LRRC4C: variants seen among roughly 807,000 people sequenced by gnomAD.
The protein encoded by LRRC4C is leucine rich repeat containing 4C, also known as leucine-rich repeat-containing protein 4C.
In LRRC4C, 5 loss-of-function variants were observed where a neutral mutation model predicts 33.6. That is an observed-to-expected ratio of 0.15 (90% CI 0.08 to 0.31). The LOEUF (loss-of-function observed/expected upper bound fraction) is 0.31. Among genes scored for constraint, LRRC4C ranks in the 10% least tolerant of loss-of-function variants. LRRC4C has a pLI of 1.00. For synonymous variants in LRRC4C, 329 were observed against 302.0 expected (o/e 1.09, Z -0.93); for missense variants, 560 against 796.7 (o/e 0.70, Z 3.58).
At chr11:40,997,916 T>C (rs1403865230) in intron 1 of LRRC4C, among the ~76,000 whole-genome samples, 1 of 152,174 alleles carries the variant, frequency 6.6e-6, no homozygotes, top group Admixed American at 6.6e-5. Context: ...TTGGAGTAGG[T>C]GTTTCTTTGA....
intron 3 of LRRC4C, among the ~76,000 whole-genome samples, chr11:40,500,293 T>TATAC (rs1394949843): frequency 0.076 from 7,374 of 96,516 alleles, 317 homozygotes; most frequent in Non-Finnish European, 0.1. Context: ...TATATATATA[T>TATAC]ACACACACAC....
chr11:41,205,691 C>T (rs936325256), intron 1 of LRRC4C, among the ~76,000 whole-genome samples: 1 of 152,122 alleles, frequency 6.6e-6, no homozygotes, highest in Non-Finnish European at 1.5e-5. Context: ...TTATAATAAC[C>T]TTCAGGAATT....
intron 2 of LRRC4C, among the ~76,000 whole-genome samples, chr11:40,800,529 A>T (rs1950998628): frequency 6.6e-6 from 1 of 152,214 alleles, no homozygotes; most frequent in African/African-American, 2.4e-5. Context: ...GCATTTTTCT[A>T]ACAGATGTTA....
Position 40,179,375 on chromosome 11 carries a change from G to A in LRRC4C, c.-95-38522C>T, listed in dbSNP as rs573408676. The stretch of plus-strand genomic sequence containing the variant: ...TGCTAGATGTTAAGTTTCTTGTTGA[G>A]TCCTCACTGAAACACAGAAATTCTT... On this transcript the variant is annotated intron_variant, in intron 5 of 6. Transcript: ENST00000528697. Among the ~76,000 whole-genome samples the A allele has an allele frequency of 2.6e-5, 4 of 152,162 alleles. No individual in the cohort carries two copies. The South Asian group carries it at 8.3e-4, about 32-fold the overall frequency.
intron 2 of LRRC4C, among the ~76,000 whole-genome samples, chr11:40,848,667 G>A (rs921769475): frequency 6.6e-6 from 1 of 152,134 alleles, no homozygotes. Flanking sequence ...GGTCTGGTTG[G>A]TGCAGAGCTG....
intron 2 of LRRC4C, 104 bp from the exon 3 acceptor site, chr11:40,648,382 C>G (rs1036190340): frequency 9.2e-5 from 14 of 151,950 alleles, no homozygotes; most frequent in Admixed American, 8.5e-4. Context: ...AATTAAAAAA[C>G]ACACACACAC....
chr11:40,828,143 A>G (rs1952245504), intron 2 of LRRC4C, among the ~76,000 whole-genome samples: 2 of 76,000 alleles, frequency 2.6e-5, no homozygotes, highest in African/African-American at 8.7e-5. Flanking sequence ...TTTTGTATGT[A>G]TACAAACATA....
chr11:41,248,630 TTC>T (rs1287416174), intron 1 of LRRC4C, among the ~76,000 whole-genome samples: 11 of 152,178 alleles, frequency 7.2e-5, no homozygotes. Flanking sequence ...ATCTATAATC[TTC>T]TTTTATTATA....
chr11:40,277,705 G>A (rs1943212333), intron 4 of LRRC4C, among the ~76,000 whole-genome samples: 1 of 152,032 alleles, frequency 6.6e-6, no homozygotes, highest in Admixed American at 6.6e-5. Flanking sequence ...AAGTCATTGA[G>A]CTTATTTGAG....
intron 1 of LRRC4C, among the ~76,000 whole-genome samples, chr11:41,415,966 C>T (rs187581155): frequency 4.7e-3 from 722 of 152,030 alleles, no homozygotes; most frequent in Non-Finnish European, 7.9e-3. Context: ...GAGAACTCTG[C>T]CAGGTTTCTC....
intron 3 of LRRC4C, among the ~76,000 whole-genome samples, chr11:40,431,073 T>C (rs962567693): frequency 7.4e-6 from 1 of 135,658 alleles, no homozygotes; most frequent in African/African-American, 2.8e-5. Flanking sequence ...AATGTGCACA[T>C]GTACCCTAAA....
At chr11:41,037,151 T>G (rs1173812757) in intron 1 of LRRC4C, among the ~76,000 whole-genome samples, 1 of 128,010 alleles carries the variant, frequency 7.8e-6, no homozygotes, top group Admixed American at 8.0e-5. Flanking sequence ...TGCCCCTTTC[T>G]GTACAAGAGA....
At chr11:40,281,804 TA>T (rs1356228935) in intron 4 of LRRC4C, among the ~76,000 whole-genome samples, 1 of 152,206 alleles carries the variant, frequency 6.6e-6, no homozygotes, top group African/African-American at 2.4e-5. Context: ...CAGGTTATTT[TA>T]ATAATTAGGG....
At chr11:40,783,751 G>A (rs1950307309) in intron 2 of LRRC4C, among the ~76,000 whole-genome samples, 1 of 152,194 alleles carries the variant, frequency 6.6e-6, no homozygotes, top group South Asian at 2.1e-4. Flanking sequence ...ATCAGGGAAA[G>A]ATTTAAGTAT....
rs532642743 is a variant in LRRC4C at position 41,096,909 on chromosome 11, G to T, written c.-495-163186C>A. 5.3e-5 allele frequency among the ~76,000 whole-genome samples: 8 copies of T among 152,280 alleles called. No homozygotes were observed. The East Asian group carries it at 5.8e-4, about 11-fold the overall frequency. ...AAGGTCACCTTGGCTGCAGCAAAAA[G>T]AATACATTTGAACTTGATTACAGTT... On this transcript the variant is annotated intron_variant, in intron 1 of 6. Transcript: ENST00000528697.
At chr11:40,838,138 T>C (rs1311026417) in intron 2 of LRRC4C, among the ~76,000 whole-genome samples, 1 of 152,180 alleles carries the variant, frequency 6.6e-6, no homozygotes, top group African/African-American at 2.4e-5. Flanking sequence ...CCAGGTGAAC[T>C]GAAAACTCTA....
chr11:41,052,370 G>A lies in LRRC4C; in HGVS notation c.-495-118647C>T, dbSNP rs568826463. Among the ~76,000 whole-genome samples the A allele has an allele frequency of 2.0e-5, 3 of 151,906 alleles. No homozygotes were observed. The East Asian group carries it at 5.8e-4, about 29-fold the overall frequency. ...CTTTCCTCAGTTGCAGTCACACATT[G>A]TCTTATCCAAACTTGTCATCTACAT... On this transcript the variant is annotated intron_variant, in intron 1 of 6. Coordinates refer to ENST00000528697, the MANE Select transcript of LRRC4C (RefSeq NM_001258419.2).
intron 1 of LRRC4C, among the ~76,000 whole-genome samples, chr11:40,999,811 C>A: frequency 6.6e-6 from 1 of 152,004 alleles, no homozygotes; most frequent in Non-Finnish European, 1.5e-5. Flanking sequence ...ATAAGGAATA[C>A]CCGAGTTTCC....
At chr11:41,265,886 A>AT (rs926162548) in intron 1 of LRRC4C, among the ~76,000 whole-genome samples, 90 of 151,626 alleles carry the variant, frequency 5.9e-4, no homozygotes, top group East Asian at 1.9e-3. Context: ...TTTAAAAAAA[A>AT]AATAATAATT....
Sources: gnomAD v4.1 joint callset for allele counts (sites outside exome capture counted in the v4.1 genomes callset) on GRCh38, gnomAD v4.1.1 for gene constraint, MANE v1.5 for transcripts, NCBI Gene and HGNC (gene_info 2026-07-23, HGNC 2026-07-21) for gene names.